The following MMP26 variants were observed in gnomAD, a reference collection of about 807,000 sequenced individuals.
MMP26 encodes matrix metallopeptidase 26.
MMP26 carries 33 observed loss-of-function variants against 31.0 expected under a neutral mutation model. The ratio of observed to expected loss-of-function variants is 1.06; its 90% confidence interval spans 0.81 to 1.42. The LOEUF (loss-of-function observed/expected upper bound fraction) is 1.42. MMP26 is among the 40% of genes most tolerant of loss of function. The pLI is 0.00. For synonymous variants in MMP26, 122 were observed against 114.9 expected, an observed-to-expected ratio of 1.06 and a Z score of -0.40; for missense variants, 347 against 316.1, an observed-to-expected ratio of 1.10 and a Z score of -0.74.
At chr11:4,772,838 A>G (rs950199731) in intron 2 of MMP26, among the ~76,000 whole-genome samples, 6 of 152,172 alleles carry the variant, frequency 3.9e-5, no homozygotes, top group Non-Finnish European at 7.4e-5. Flanking sequence ...TTAGGTATCA[A>G]TAATACCAGT....
At chr11:4,882,516 T>A in intron 2 of MMP26, 1 of 1,613,956 alleles carries the variant, frequency 6.2e-7, no homozygotes, top group Non-Finnish European at 8.5e-7. Flanking sequence ...TTTCTTCAGC[T>A]CTACCTGAAT....
chr11:4,733,455 T>G (rs994053257), intron 1 of MMP26, among the ~76,000 whole-genome samples: 1 of 152,212 alleles, frequency 6.6e-6, no homozygotes, highest in African/African-American at 2.4e-5. Flanking sequence ...AATTTTTCTC[T>G]TAATTTCAGT....
chr11:4,764,874 T>TCACACACACACA lies in MMP26; in HGVS notation c.-216-2392_-216-2391insCACACACACACA, dbSNP rs149703459. On this transcript the variant is annotated intron_variant, in intron 1 of 7. Coordinates refer to ENST00000380390, the MANE Select transcript of MMP26 (RefSeq NM_021801.5). Reference sequence around the variant, plus strand: ...GCCTGGGTGACAGAGCGAGACTCCATCACAGACACACACACACACACACAC... The same window carrying TCACACACACACA: ...GCCTGGGTGACAGAGCGAGACTCCATCACACACACACACACAGACACACACACACACACACAC... Among the ~76,000 whole-genome samples the TCACACACACACA allele has an allele frequency of 3.7e-3, 555 of 151,400 alleles. 2 individuals are homozygous for TCACACACACACA. Among genetic ancestry groups the TCACACACACACA allele is most frequent in the African/African-American group, 0.013 (528 of 41,012 alleles).
At chr11:4,727,806 C>T (rs536564520) in intron 1 of MMP26, among the ~76,000 whole-genome samples, 1 of 152,182 alleles carries the variant, frequency 6.6e-6, no homozygotes, top group East Asian at 1.9e-4. Context: ...AAGACTGTGT[C>T]TCAAAACAAA....
chr11:4,775,142 T>G (rs1848774480), intron 2 of MMP26, among the ~76,000 whole-genome samples: 1 of 152,212 alleles, frequency 6.6e-6, no homozygotes, highest in Non-Finnish European at 1.5e-5. Context: ...AATTTTAAAA[T>G]AGTTTTTCTA....
chr11:4,711,400 G>A (rs1445553534), intron 1 of MMP26: 1 of 152,094 alleles, frequency 6.6e-6, no homozygotes, highest in African/African-American at 2.4e-5. Flanking sequence ...TTGATAGCTG[G>A]ATATTGTTTT....
At chr11:4,849,377 AC>A in intron 2 of MMP26, 1 of 648,088 alleles carries the variant, frequency 1.5e-6, no homozygotes, top group Non-Finnish European at 2.6e-6. Context: ...CTGTGCACGC[AC>A]CCATCCTAAT....
intron 2 of MMP26, among the ~76,000 whole-genome samples, chr11:4,772,952 A>T (rs1404179520): frequency 6.6e-6 from 1 of 152,168 alleles, no homozygotes; most frequent in African/African-American, 2.4e-5. Context: ...GATGGGTTCA[A>T]TTGAAGCACT....
chr11:4,843,257 A>G lies in MMP26; in HGVS notation c.-145+75916A>G, dbSNP rs552823354. On this transcript the variant is annotated intron_variant, in intron 2 of 7. Transcript: ENST00000380390. ...TCCATTAGGCAGTGCCCCAGTGGGA[A>G]CTCTGTGTGGGGGCTCCAACCCTAC... 2.0e-5 allele frequency among the ~76,000 whole-genome samples: 3 copies of G among 152,098 alleles called. 1 individual carries two copies. Among genetic ancestry groups the G allele is most frequent in the South Asian group, 4.2e-4 (2 of 4,804 alleles).
intron 2 of MMP26, among the ~76,000 whole-genome samples, chr11:4,827,515 C>T (rs965073474): frequency 4.6e-5 from 7 of 151,968 alleles, no homozygotes; most frequent in Non-Finnish European, 1.5e-5. Flanking sequence ...GTGCTATGAG[C>T]ACATAAAGTA....
chr11:4,748,317 A>G lies in MMP26; in HGVS notation c.-216-18953A>G, dbSNP rs960515481. Among the ~76,000 whole-genome samples, 4 of 152,222 alleles carry G rather than the reference A, an allele frequency of 2.6e-5. No homozygotes were observed. The East Asian group carries it at 7.7e-4, about 29-fold the overall frequency. ...TCAGTAATAAAAAATCTTACAAATA[A>G]GAAAAATCCAGAACCAGATGGATTA... On this transcript the variant is annotated intron_variant, in intron 1 of 7. Coordinates refer to ENST00000380390, the MANE Select transcript of MMP26 (RefSeq NM_021801.5).
At chr11:4,922,056 G>T (rs7112804) in intron 2 of MMP26, among the ~76,000 whole-genome samples, 3,595 of 152,204 alleles carry the variant, frequency 0.024, 133 homozygotes, top group African/African-American at 0.082. Context: ...CTATGTCCAG[G>T]TGTAAACATT....
chr11:4,731,202 G>A (rs187929300), intron 1 of MMP26, among the ~76,000 whole-genome samples: 1 of 152,232 alleles, frequency 6.6e-6, no homozygotes, highest in East Asian at 1.9e-4. Context: ...GCCTCCCAAA[G>A]TGCTGAGATT....
intron 1 of MMP26, among the ~76,000 whole-genome samples, chr11:4,760,407 G>A (rs1848557161): frequency 6.6e-6 from 1 of 152,174 alleles, no homozygotes; most frequent in Admixed American, 6.5e-5. Context: ...AGCAATGAAT[G>A]TACAAAGTGC....
intron 2 of MMP26, among the ~76,000 whole-genome samples, chr11:4,828,566 G>C (rs1173792129): frequency 2.0e-5 from 3 of 152,054 alleles, no homozygotes; most frequent in Non-Finnish European, 4.4e-5. Context: ...TTTAGAAAGC[G>C]GGGGGAGATT....
chr11:4,835,865 T>A (rs1849712036), intron 2 of MMP26, among the ~76,000 whole-genome samples: 1 of 152,228 alleles, frequency 6.6e-6, no homozygotes, highest in East Asian at 1.9e-4. Context: ...ACTGTTTTTT[T>A]ATTAATTCCA....
intron 2 of MMP26, chr11:4,821,888 C>A: frequency 6.2e-7 from 1 of 1,613,906 alleles, no homozygotes; most frequent in Non-Finnish European, 8.5e-7. Context: ...AGAAATGTTG[C>A]CGTCATGTTG....
chr11:4,972,066 G>A (rs1187736103), intron 2 of MMP26, among the ~76,000 whole-genome samples: 5 of 152,144 alleles, frequency 3.3e-5, no homozygotes, highest in South Asian at 2.1e-4. Flanking sequence ...TCCAAAGCAT[G>A]TAATTGACCT....
intron 1 of MMP26, among the ~76,000 whole-genome samples, chr11:4,734,721 T>A (rs941240523): frequency 6.6e-6 from 1 of 152,260 alleles, no homozygotes; most frequent in Admixed American, 6.5e-5. Flanking sequence ...TCTAACTTAA[T>A]TCCCCTGTGT....
Sources: gnomAD v4.1 joint callset for allele counts (sites outside exome capture counted in the v4.1 genomes callset) on GRCh38, gnomAD v4.1.1 for gene constraint, MANE v1.5 for transcripts, NCBI Gene and HGNC (gene_info 2026-07-23, HGNC 2026-07-21) for gene names.